Variants in SHCBP1L observed in about 807,000 individuals in gnomAD.
SHCBP1L encodes testicular spindle-associated protein SHCBP1L.
SHCBP1L carries 67 observed loss-of-function variants against 62.5 expected under a neutral mutation model. The observed-to-expected ratio is 1.07, with a 90% CI of 0.88 to 1.31. The LOEUF (loss-of-function observed/expected upper bound fraction) is 1.31. SHCBP1L is among the 40% of genes most tolerant of loss of function. The pLI, the probability that SHCBP1L is intolerant of heterozygous loss-of-function variation, is 0.00. For synonymous variants in SHCBP1L, 284 were observed against 289.4 expected, an observed-to-expected ratio of 0.98 and a Z score of 0.19; for missense variants, 823 against 809.8, an observed-to-expected ratio of 1.02 and a Z score of -0.20.
chr1:182,927,078 A>C (rs1650781614), intron 6 of SHCBP1L, among the ~76,000 whole-genome samples: 1 of 23,742 alleles, frequency 4.2e-5, no homozygotes, highest in Admixed American at 6.3e-4. Flanking sequence ...ATATATATAT[A>C]TATATATATA....
chr1:182,952,193 T>TATATATATATAC (rs1651786485), intron 1 of SHCBP1L, among the ~76,000 whole-genome samples: 1 of 11,452 alleles, frequency 8.7e-5, no homozygotes, highest in Middle Eastern at 0.071. Flanking sequence ...AAAAAAAAAA[T>TATATATATATAC]ATATATATAT....
At chr1:182,925,373 A>G (rs559130629) in intron 6 of SHCBP1L, among the ~76,000 whole-genome samples, 1 of 152,306 alleles carries the variant, frequency 6.6e-6, no homozygotes, top group East Asian at 1.9e-4. Flanking sequence ...TGGGATATGA[A>G]TTTAATAGAT....
chr1:182,934,386 A>G (rs776779328), intron 5 of SHCBP1L, among the ~76,000 whole-genome samples: 6 of 152,136 alleles, frequency 3.9e-5, no homozygotes, highest in Non-Finnish European at 8.8e-5. Context: ...GCCATTTCTA[A>G]TAGGTATGTA....
intron 2 of SHCBP1L, among the ~76,000 whole-genome samples, chr1:182,946,873 C>CTGTTTTACACGTTGATGTTTCCAGGT: frequency 6.6e-6 from 1 of 152,276 alleles, no homozygotes; most frequent in East Asian, 1.9e-4. Context: ...TTTGTTGTTG[C>CTGTTTTACACGTTGATGTTTCCAGGT]TGTTTTACAC....
rs963907317 is a variant in SHCBP1L at position 182,904,548 on chromosome 1, T to G, written c.1337-118A>C. The G allele has an allele frequency of 3.8e-6, 3 of 791,268 alleles. No homozygotes were observed. In the East Asian group the frequency reaches 8.3e-5, roughly 22 times the overall value. 49.0% of individuals were successfully genotyped at this position (791,268 alleles called of 1,614,324 possible). A position where few individuals can be genotyped will look rare whatever the true frequency, so the allele number is the denominator to read the frequency against. ...TTCCCTGTGTGCGTGTGTGTGTGTG[T>G]GTGTGTGTGTGTGTGTGTGTGTGTG... On this transcript the variant is annotated intron_variant, in intron 7 of 9. Coordinates refer to ENST00000367547, the MANE Select transcript of SHCBP1L (RefSeq NM_030933.4).
chr1:182,918,304 T>C (rs1364716596), intron 6 of SHCBP1L, among the ~76,000 whole-genome samples: 1 of 150,750 alleles, frequency 6.6e-6, no homozygotes, highest in African/African-American at 2.4e-5. Context: ...ATAAACAAAT[T>C]CAGCAAAGTT....
intron 6 of SHCBP1L, among the ~76,000 whole-genome samples, chr1:182,910,718 G>C (rs1270095842): frequency 6.6e-6 from 1 of 152,162 alleles, no homozygotes; most frequent in African/African-American, 2.4e-5. Flanking sequence ...AAGAACCTAG[G>C]CTTGCACCTT....
chr1:182,935,532 T>G, intron 5 of SHCBP1L, among the ~76,000 whole-genome samples: 1 of 152,218 alleles, frequency 6.6e-6, no homozygotes, highest in East Asian at 1.9e-4. Context: ...CATTTATCGG[T>G]TTCAGGAGTT....
Position 182,903,149 on chromosome 1 carries a change from C to A in SHCBP1L, c.1600G>T (p.Glu534Ter). Residue 534 changes from glutamate to a stop codon, truncating the protein, a stop_gained, in exon 9 of 10, where the codon GAA becomes TAA. Transcript: ENST00000367547. LOFTEE classifies it high-confidence loss of function. ...EITGAQGAGV[E>*]LYPGSIAILE... is the part of the protein sequence containing the mutation. The stretch of plus-strand genomic sequence containing the variant: ...ATAGCTATGCTTCCAGGATACAGTT[C>A]AACACCAGCACCCTGTAAATTAAAA... The A allele has an allele frequency of 1.3e-6, 2 of 1,589,220 alleles. No homozygotes were observed. The highest frequency in any genetic ancestry group is 2.3e-5 in the South Asian group (2 of 86,382).
intron 5 of SHCBP1L, among the ~76,000 whole-genome samples, chr1:182,931,622 G>A (rs924548257): frequency 6.6e-6 from 1 of 152,054 alleles, no homozygotes; most frequent in Non-Finnish European, 1.5e-5. Flanking sequence ...TTTCAGAGCA[G>A]TTTCAGATTT....
At chr1:182,924,701 GAAGAAAGAAAGAAAGAAAGAAAGA>G (rs199794601) in intron 6 of SHCBP1L, among the ~76,000 whole-genome samples, 150 of 33,350 alleles carry the variant, frequency 4.5e-3, no homozygotes, top group East Asian at 0.027. Context: ...GAAAGGAAAG[GAAGAAAGAAAGAAAGAAAGAAAGA>G]AAGAAAGAAA....
At chr1:182,936,489 C>T (rs1444206899) in intron 5 of SHCBP1L, among the ~76,000 whole-genome samples, 1 of 152,112 alleles carries the variant, frequency 6.6e-6, no homozygotes, top group Non-Finnish European at 1.5e-5. Flanking sequence ...TATCTACTCT[C>T]TTAAATCAAT....
chr1:182,943,275 A>ATT lies in SHCBP1L; in HGVS notation c.556-2734_556-2733dup, dbSNP rs767553592. On this transcript the variant is annotated intron_variant, in intron 2 of 9. Transcript: ENST00000367547. ...AGGACTACCTGTGCCACCATTCTTG[A>ATT]TTTTTTTTTTTTTTTTTTTTTTTTT... Among the ~76,000 whole-genome samples the ATT allele has an allele frequency of 2.3e-3, 180 of 79,104 alleles. 4 individuals carry two copies. The highest frequency in any genetic ancestry group is 4.5e-3 in the African/African-American group (90 of 20,002). The allele number at this position is 79,104 out of a possible 152,430, so 51.9% of individuals were successfully genotyped here.
Position 182,900,220 on chromosome 1 carries a change from G to T in SHCBP1L, c.1725C>A (p.Pro575=). The change falls in exon 10 of 10, where the codon CCC becomes CCA. Residue 575 remains proline (P), a synonymous_variant. Transcript: ENST00000367547. ...GGVNMKVLPA[P]KLKMTNNHIY... ...TATGATTATTAGTCATCTTCAATTT[G>T]GGTGCTGGAAGAACCTATTAAATTA... 6.4e-7 allele frequency: 1 copy of T among 1,563,178 alleles called. No homozygotes were observed. Among genetic ancestry groups the T allele is most frequent in the Non-Finnish European group, 8.6e-7 (1 of 1,157,554 alleles).
intron 5 of SHCBP1L, among the ~76,000 whole-genome samples, chr1:182,936,030 T>C (rs146003616): frequency 0.014 from 2,184 of 152,212 alleles, 20 homozygotes; most frequent in Middle Eastern, 0.037. Context: ...TACCATATTG[T>C]AGCTGGTTTC....
chr1:182,918,629 C>T (rs1053161357), intron 6 of SHCBP1L, among the ~76,000 whole-genome samples: 7 of 152,020 alleles, frequency 4.6e-5, no homozygotes, highest in Admixed American at 2.6e-4. Flanking sequence ...ATTTCAATAG[C>T]CTTTTTTTTG....
At chr1:182,933,514 C>A (rs1460015494) in intron 5 of SHCBP1L, among the ~76,000 whole-genome samples, 1 of 152,042 alleles carries the variant, frequency 6.6e-6, no homozygotes, top group East Asian at 1.9e-4. Context: ...AAAATGCCTT[C>A]TATTCCAAGT....
At chr1:182,952,233 TATACACAC>T (rs1651795797) in intron 1 of SHCBP1L, among the ~76,000 whole-genome samples, 1 of 55,782 alleles carries the variant, frequency 1.8e-5, no homozygotes, top group Non-Finnish European at 2.8e-5. Context: ...TATATATATA[TATACACAC>T]ACACACACAC....
chr1:182,942,502 G>T (rs1244025367), intron 2 of SHCBP1L: 1 of 622,302 alleles, frequency 1.6e-6, no homozygotes. Flanking sequence ...TCCTCCCGCC[G>T]CCCGAGCTAC....
Sources: gnomAD v4.1 joint callset for allele counts (sites outside exome capture counted in the v4.1 genomes callset) on GRCh38, gnomAD v4.1.1 for gene constraint, MANE v1.5 for transcripts, NCBI Gene and HGNC (gene_info 2026-07-23, HGNC 2026-07-21) for gene names.